CD2BP2: variants seen among roughly 807,000 people sequenced by gnomAD.
CD2BP2 encodes the protein CD2 cytoplasmic tail binding protein 2, also known as CD2 antigen cytoplasmic tail-binding protein 2.
In CD2BP2, 27 loss-of-function variants were observed where a neutral mutation model predicts 35.9. The ratio of observed to expected loss-of-function variants is 0.75; its 90% CI spans 0.55 to 1.04. CD2BP2 has a LOEUF of 1.04. Among genes scored for constraint, CD2BP2 ranks in the 50% least tolerant of loss-of-function variants. CD2BP2 has a pLI of 0.00. For synonymous variants in CD2BP2, 213 were observed against 173.5 expected (o/e 1.23, Z -1.79); for missense variants, 497 against 444.3 (o/e 1.12, Z -1.07).
chr16:30,354,939 C>G (rs2049523326), intron 1 of CD2BP2: 1 of 487,754 alleles, frequency 2.1e-6, no homozygotes, highest in Non-Finnish European at 3.7e-6. Flanking sequence ...TCCCCCGACC[C>G]TGGCTGAAAG....
At position 30,353,192 on chromosome 16, in the gene CD2BP2, C is replaced by T. The variant is rs758445201; in HGVS notation, c.904G>A (p.Ala302Thr). The change falls in exon 6 of 7, where the codon GCC becomes ACC. Residue 302 changes from alanine to threonine, a missense_variant. By Grantham distance (58) the Ala-to-Thr change is moderately conservative (BLOSUM62 0). Coordinates refer to ENST00000305596, the MANE Select transcript of CD2BP2 (RefSeq NM_006110.3). ...AGAAAGCAGCTCACCTGCATCTGGG[C>T]GCTGGTGAAGGGCCCATACAGCTCG... The part of the protein sequence containing the change: ...DAELYGPFTS[A>T]QMQTWVSEGY... 1.8e-5 allele frequency: 29 copies of T among 1,613,196 alleles called. No homozygotes were observed. The Admixed American group carries it at 2.2e-4, about 12-fold the overall frequency.
Position 30,353,616 on chromosome 16 carries a change from C to T in CD2BP2, c.560G>A (p.Arg187Lys), listed in dbSNP as rs758828606. The change falls in exon 5 of 7, where the codon AGA becomes AAA. Residue 187 changes from arginine to lysine, a missense_variant. By Grantham distance (26) the Arg-to-Lys change is conservative. Transcript: ENST00000305596. ...GGAACTGGGTTGCCCAGGCCCCTTT[C>T]TCCCTTTGCCTCCTCCTCGGGCCCC... ...RLGARGGGKG[R>K]KGPGQPSSPQ... 39 of 1,613,758 alleles carry T rather than the reference C, an allele frequency of 2.4e-5. No individual in the cohort carries two copies. In the East Asian group the frequency reaches 2.7e-4, roughly 11 times the overall value.
intron 2 of CD2BP2, 94 bp from the exon 3 acceptor site, chr16:30,354,416 C>G: frequency 6.8e-7 from 1 of 1,463,678 alleles, no homozygotes; most frequent in Non-Finnish European, 9.3e-7. Flanking sequence ...CCAAATATTT[C>G]AGGATCTCGA....
rs1431759873 is a variant in CD2BP2 at position 30,352,654 on chromosome 16, T to C, written c.*331A>G. On this transcript the variant is annotated 3_prime_UTR_variant, in exon 7 of 7. Coordinates refer to ENST00000305596, the MANE Select transcript of CD2BP2 (RefSeq NM_006110.3). ...CCTAAGAGGAATCGAACAAGAAACC[T>C]GGGAGAGGAGCACAGAGCAGCGCAG... 2.8e-5 allele frequency: 8 copies of C among 290,126 alleles called. No individual in the cohort carries two copies. Among genetic ancestry groups the C allele is most frequent in the Admixed American group, 1.4e-4 (3 of 21,512 alleles). 18.0% of individuals were successfully genotyped at this position (290,126 alleles called of 1,614,324 possible). A position where few individuals can be genotyped will look rare whatever the true frequency, so the allele number is the denominator to read the frequency against.
At position 30,353,304 on chromosome 16, in the gene CD2BP2, A is replaced by G; in HGVS notation, c.809-17T>C. The G allele has an allele frequency of 6.2e-7, 1 of 1,613,686 alleles. No individual in the cohort carries two copies. Among genetic ancestry groups the G allele is most frequent in the Non-Finnish European group, 8.5e-7 (1 of 1,179,686 alleles). On this transcript the variant is annotated splice_polypyrimidine_tract_variant and intron_variant, in intron 5 of 6. Coordinates refer to ENST00000305596, the MANE Select transcript of CD2BP2 (RefSeq NM_006110.3). ...ACTCTGCTTCTAAAATAACAGGCAAAGCCATTTGGCCTCCAGTGTCTCACT... is the reference window on the plus strand; with the variant it reads ...ACTCTGCTTCTAAAATAACAGGCAAGGCCATTTGGCCTCCAGTGTCTCACT...
rs756974242 is a variant in CD2BP2 at position 30,353,409 on chromosome 16, G to A, written c.767C>T (p.Ala256Val). 32 of 1,613,862 alleles carry A rather than the reference G, an allele frequency of 2.0e-5. No individual in the cohort carries two copies. Among genetic ancestry groups the A allele is most frequent in the South Asian group, 1.3e-4 (12 of 91,092 alleles). ...PSLDMFAEEL[A>V]EEELETPTPT... Reference sequence around the variant, plus strand: ...GGTTGGGGTCTCCAGTTCCTCCTCCGCCAACTCCTCAGCGAACATGTCCAG... The same window carrying A: ...GGTTGGGGTCTCCAGTTCCTCCTCCACCAACTCCTCAGCGAACATGTCCAG... The change falls in exon 5 of 7, where the codon GCG becomes GTG. Residue 256 changes from alanine (A) to valine (V), a missense_variant. Ala to Val is a moderately conservative substitution (Grantham distance 64). Coordinates refer to ENST00000305596, the MANE Select transcript of CD2BP2 (RefSeq NM_006110.3).
In CD2BP2 at chr16:30,353,785, G is replaced by A. The variant is rs1049263122; in HGVS notation, c.391C>T (p.Arg131Trp). The change falls in exon 5 of 7, where the codon CGG becomes TGG. Residue 131 changes from arginine to tryptophan, a missense_variant. Transcript: ENST00000305596. ...DNIDWVKIRE[R>W]PPGQRQASDS... ...GAGGCCTGGCGCTGGCCAGGTGGCC[G>A]CTCCCGGATCTTCACCTGTAATGGG... 8 of 1,601,774 alleles carry A rather than the reference G, an allele frequency of 5.0e-6. No individual in the cohort carries two copies. Among genetic ancestry groups the A allele is most frequent in the Non-Finnish European group, 6.0e-6 (7 of 1,174,214 alleles).
In CD2BP2 at chr16:30,352,936, C is replaced by T; in HGVS notation, c.*49G>A. 8.3e-7 allele frequency: 1 copy of T among 1,210,164 alleles called. No individual in the cohort carries two copies. The highest frequency in any genetic ancestry group is 1.2e-5 in the South Asian group (1 of 82,966). The allele number at this position is 1,210,164 out of a possible 1,614,324, so 75.0% of individuals were successfully genotyped here. A position where few individuals can be genotyped will look rare whatever the true frequency, so the allele number is the denominator to read the frequency against. ...CTGCCTGAGACACTTGGTGCCTCCT[C>T]CACAAAGTCCAGGAAAGAAGGGCCC... On this transcript the variant is annotated 3_prime_UTR_variant, in exon 7 of 7. Coordinates refer to ENST00000305596, the MANE Select transcript of CD2BP2 (RefSeq NM_006110.3).
rs1467611687 is a variant in CD2BP2 at position 30,353,740 on chromosome 16, T to C, written c.436A>G (p.Ser146Gly). ...RQASDSEEED[S>G]LGQTSMSAQA... The stretch of plus-strand genomic sequence containing the variant: ...GCACTCATTGAGGTCTGGCCCAAGC[T>C]GTCCTCCTCCTCCGAGTCTGAGGCC... Residue 146 changes from serine to glycine, a missense_variant, in exon 5 of 7, where the codon AGC becomes GGC. By Grantham distance (56) the Ser-to-Gly change is moderately conservative. Transcript: ENST00000305596. The C allele has an allele frequency of 1.9e-6, 3 of 1,609,892 alleles. No individual in the cohort carries two copies. Among genetic ancestry groups the C allele is most frequent in the Non-Finnish European group, 2.5e-6 (3 of 1,177,858 alleles).
intron 2 of CD2BP2, 66 bp from the exon 3 acceptor site, chr16:30,354,388 T>C (rs2049515809): frequency 6.4e-7 from 1 of 1,552,528 alleles, no homozygotes; most frequent in African/African-American, 1.4e-5. Flanking sequence ...TACTTCCGGA[T>C]CTGGACCCAA....
rs750929270 is a variant in CD2BP2, at chr16:30,353,227, G to A, written c.869C>T (p.Thr290Met). The A allele has an allele frequency of 2.3e-5, 37 of 1,614,132 alleles. No individual in the cohort carries two copies. Among genetic ancestry groups the A allele is most frequent in the Non-Finnish European group, 3.0e-5 (35 of 1,180,004 alleles). The change falls in exon 6 of 7, where the codon ACG (threonine) becomes ATG (methionine). Residue 290 changes from threonine (T) to methionine (M), a missense_variant. By Grantham distance (81) the Thr-to-Met change is moderately conservative (BLOSUM62 -1). Coordinates refer to ENST00000305596, the MANE Select transcript of CD2BP2 (RefSeq NM_006110.3). ...DVMWEYKWEN[T>M]GDAELYGPFT... Reference sequence around the variant, plus strand: ...GGGCCCATACAGCTCGGCATCCCCCGTGTTCTCCCACTTATATTCCCACAT... The same window carrying A: ...GGGCCCATACAGCTCGGCATCCCCCATGTTCTCCCACTTATATTCCCACAT...
At chr16:30,354,579 A>C in intron 2 of CD2BP2, 25 bp downstream of exon 2, 13 of 1,607,190 alleles carry the variant, frequency 8.1e-6, no homozygotes, top group Non-Finnish European at 1.0e-5. Context: ...TCTTTCCCCC[A>C]CACAAAGCAG....
chr16:30,354,666 C>T lies in CD2BP2; in HGVS notation c.16G>A (p.Val6Met), dbSNP rs776905945. ...TCATCTCCCACGCCTTGGAAGGTCACTTTCCTCTTTGGCATGACGGGGCAA... is the reference window on the plus strand; with the variant it reads ...TCATCTCCCACGCCTTGGAAGGTCATTTTCCTCTTTGGCATGACGGGGCAA... MPKRK[V>M]TFQGVGDEED... Residue 6 changes from valine to methionine, a missense_variant, in exon 2 of 7, where the codon GTG becomes ATG. Val to Met is a conservative substitution (Grantham distance 21). Coordinates refer to ENST00000305596, the MANE Select transcript of CD2BP2 (RefSeq NM_006110.3). 6.2e-7 allele frequency: 1 copy of T among 1,614,080 alleles called. No homozygotes were observed. The highest frequency in any genetic ancestry group is 1.7e-5 in the Admixed American group (1 of 59,996).
intron 2 of CD2BP2, 22 bp from the exon 3 acceptor site, chr16:30,354,344 T>A (rs1215443898): frequency 5.6e-6 from 9 of 1,604,308 alleles, no homozygotes; most frequent in Admixed American, 1.7e-5. Flanking sequence ...AGCCAGAAAG[T>A]TGAGAAATGC....
chr16:30,353,126 C>G, intron 6 of CD2BP2, 31 bp from the exon 7 acceptor site: 1 of 1,608,286 alleles, frequency 6.2e-7, no homozygotes, highest in Non-Finnish European at 8.5e-7. Flanking sequence ...TGGGGAACAA[C>G]TGACAGGAGT....
intron 3 of CD2BP2, 28 bp from the exon 4 acceptor site, chr16:30,354,086 C>T: frequency 6.2e-7 from 1 of 1,613,360 alleles, no homozygotes; most frequent in Non-Finnish European, 8.5e-7. Flanking sequence ...GTGCCCTTTT[C>T]CAGGCATGGA....
rs758594147 is a variant in CD2BP2 at position 30,354,025 on chromosome 16, C to T, written c.251G>A (p.Gly84Asp). Residue 84 changes from glycine to aspartate, a missense_variant, in exon 4 of 7, where the codon GGT becomes GAT. Gly to Asp is a moderately conservative substitution (Grantham distance 94). Transcript: ENST00000305596. Reference sequence around the variant, plus strand: ...CAGGTTAAAGGGTGTGATCCGAACACCCCCCTCGCTGGGGAGTGTGGCTGC... The same window carrying T: ...CAGGTTAAAGGGTGTGATCCGAACATCCCCCTCGCTGGGGAGTGTGGCTGC... ...QEAATLPSEG[G>D]VRITPFNLQE... The T allele has an allele frequency of 6.2e-7, 1 of 1,614,028 alleles. No homozygotes were observed. Among genetic ancestry groups the T allele is most frequent in the South Asian group, 1.1e-5 (1 of 91,084 alleles).
At position 30,351,470 on chromosome 16, in the gene CD2BP2, T is replaced by A. The variant is rs887116554; in HGVS notation, c.*1515A>T. The A allele has an allele frequency of 1.3e-5, 2 of 152,208 alleles. No homozygotes were observed. The highest frequency in any genetic ancestry group is 2.4e-5 in the African/African-American group (1 of 41,448). The allele number at this position is 152,208 out of a possible 1,614,324, so 9.4% of individuals were successfully genotyped here. ...ACTGTGTCACCGGCAGGCCTCTTCT[T>A]TCTTAGTGACGTTTAAAGGAAGGTA... On this transcript the variant is annotated 3_prime_UTR_variant, in exon 7 of 7. Transcript: ENST00000305596.
chr16:30,351,987 G>T lies in CD2BP2; in HGVS notation c.*998C>A, dbSNP rs2049485785. ...TGGGGCAAGGGAGGCGTAAGGCAAT[G>T]CTGGTGGGGCGTGGAGGTGGAGGGT... On this transcript the variant is annotated 3_prime_UTR_variant, in exon 7 of 7. Transcript: ENST00000305596. The T allele has an allele frequency of 6.5e-6, 1 of 152,738 alleles. No individual in the cohort carries two copies. Among genetic ancestry groups the T allele is most frequent in the Non-Finnish European group, 1.5e-5 (1 of 68,266 alleles). The allele number at this position is 152,738 out of a possible 1,614,324, so 9.5% of individuals were successfully genotyped here.
Sources: gnomAD v4.1 joint callset for allele counts on GRCh38, gnomAD v4.1.1 for gene constraint, MANE v1.5 for transcripts, NCBI Gene and HGNC (gene_info 2026-07-23, HGNC 2026-07-21) for gene names.